Variants in FBN3 observed in about 807,000 individuals in gnomAD.
FBN3 encodes fibrillin 3.
FBN3 carries 234 observed loss-of-function variants against 330.1 expected under a neutral mutation model. The observed-to-expected ratio is 0.71, with a 90% CI of 0.64 to 0.79. The LOEUF (loss-of-function observed/expected upper bound fraction) is 0.79. Among genes scored for constraint, FBN3 ranks in the 30% least tolerant of loss-of-function variants. FBN3 has a pLI of 0.00. For missense variants in FBN3, 3,606 were observed against 3,886.9 expected, an observed-to-expected ratio of 0.93 and a Z score of 1.92; for synonymous variants, 1,458 against 1,517.3, an observed-to-expected ratio of 0.96 and a Z score of 0.91.
chr19:8,083,283 C>G lies in FBN3; in HGVS notation c.7177G>C (p.Gly2393Arg). The change falls in exon 57 of 64, where the codon GGG becomes CGG. Residue 2393 changes from glycine (G) to arginine (R), a missense_variant. Physicochemically the swap from Gly to Arg is moderately radical, Grantham distance 125. Coordinates refer to ENST00000600128, the MANE Select transcript of FBN3 (RefSeq NM_032447.5). Reference protein sequence around the residue: ...LGSFRCHCQAGYTPDATATTC... With the variant: ...LGSFRCHCQARYTPDATATTC... Reference sequence around the variant, plus strand: ...GTAGCAGTAGCATCCGGTGTGTACCCGGCCTGACAGTGGCAGCGGAAGGAG... The same window carrying G: ...GTAGCAGTAGCATCCGGTGTGTACCGGGCCTGACAGTGGCAGCGGAAGGAG... 6.2e-7 allele frequency: 1 copy of G among 1,614,128 alleles called. No individual in the cohort carries two copies. The highest frequency in any genetic ancestry group is 2.2e-5 in the East Asian group (1 of 44,884).
Position 8,129,445 on chromosome 19 carries a change from C to T in FBN3, c.2045-80G>A. On this transcript the variant is annotated intron_variant, in intron 16 of 63. Coordinates refer to ENST00000600128, the MANE Select transcript of FBN3 (RefSeq NM_032447.5). This position sits in a 1 kb window ranked among gnomAD's most constrained non-coding sequence, Gnocchi z 4.5. ...AGGAGGAGGGTGTGTCGCGGCGCAC[C>T]AGGGGTCTCTAGAAGTCAGATTCCC... 6.4e-7 allele frequency: 1 copy of T among 1,562,736 alleles called. No individual in the cohort carries two copies. The highest frequency in any genetic ancestry group is 8.7e-7 in the Non-Finnish European group (1 of 1,148,828).
intron 41 of FBN3, among the ~76,000 whole-genome samples, chr19:8,098,350 A>G (rs1172990635): frequency 2.0e-5 from 3 of 146,370 alleles, no homozygotes; most frequent in Admixed American, 1.4e-4. Context: ...CCTAAGTGTC[A>G]ATCAATGGGG....
At position 8,115,394 on chromosome 19, in the gene FBN3, G is replaced by A. The variant is rs1038456791; in HGVS notation, c.3838+121C>T. 23 of 1,282,114 alleles carry A rather than the reference G, an allele frequency of 1.8e-5. 1 individual carries two copies. Among genetic ancestry groups the A allele is most frequent in the South Asian group, 7.1e-5 (5 of 70,448 alleles). The allele number at this position is 1,282,114 out of a possible 1,614,324, so 79.4% of individuals were successfully genotyped here. On this transcript the variant is annotated intron_variant, in intron 30 of 63. Coordinates refer to ENST00000600128, the MANE Select transcript of FBN3 (RefSeq NM_032447.5). The stretch of plus-strand genomic sequence containing the variant: ...CTTGCTTTAACACAAGAAGCCATCC[G>A]TGGAAATCTATGAGAATGAATTCTG...
At chr19:8,110,591 T>C (rs2144819847) in intron 34 of FBN3, among the ~76,000 whole-genome samples, 1 of 152,280 alleles carries the variant, frequency 6.6e-6, no homozygotes, top group East Asian at 1.9e-4. Flanking sequence ...CACCTGCCCA[T>C]TTCTAAAACA....
Position 8,126,760 on chromosome 19 carries a change from T to C in FBN3, c.2369A>G (p.Lys790Arg). 6.3e-7 allele frequency: 1 copy of C among 1,593,758 alleles called. No individual in the cohort carries two copies. The highest frequency in any genetic ancestry group is 1.3e-5 in the African/African-American group (1 of 74,298). Residue 790 changes from lysine (K) to arginine (R), a missense_variant, in exon 19 of 64, where the codon AAA (lysine) becomes AGA (arginine). Physicochemically the swap from Lys to Arg is conservative, Grantham distance 26. Coordinates refer to ENST00000600128, the MANE Select transcript of FBN3 (RefSeq NM_032447.5). ...CRNLAGSYTC[K>R]CGPGSRLDPS... ...GTCCAGCCGGCTGCCAGGGCCACAT[T>C]TGCAGGTGTAGGAGCCGGCCAGGTT...
intron 1 of FBN3, among the ~76,000 whole-genome samples, chr19:8,148,313 G>A (rs1185812465): frequency 6.6e-6 from 1 of 152,150 alleles, no homozygotes; most frequent in African/African-American, 2.4e-5. Flanking sequence ...AGGGCTGGAT[G>A]CCTCCCTGGG....
Position 8,075,373 on chromosome 19 carries a change from C to A in FBN3, c.7492G>T (p.Ala2498Ser). ...ECSAQPGPCG[A>S]HGHCHNTPGS... ...GGGGTGTTGTGGCAGTGCCCGTGGG[C>A]ACCACATGGGCCAGGCTGGGCTGAG... The change falls in exon 60 of 64, where the codon GCC becomes TCC. Residue 2498 changes from alanine (A) to serine (S), a missense_variant. Ala to Ser is a moderately conservative substitution (Grantham distance 99). Coordinates refer to ENST00000600128, the MANE Select transcript of FBN3 (RefSeq NM_032447.5). 1 of 1,614,064 alleles carries A rather than the reference C, an allele frequency of 6.2e-7. No homozygotes were observed. Among genetic ancestry groups the A allele is most frequent in the Non-Finnish European group, 8.5e-7 (1 of 1,179,994 alleles).
chr19:8,126,530 C>A lies in FBN3; in HGVS notation c.2492G>T (p.Arg831Leu), dbSNP rs199802251. 6.2e-7 allele frequency: 1 copy of A among 1,613,006 alleles called. No individual in the cohort carries two copies. The highest frequency in any genetic ancestry group is 1.7e-5 in the Admixed American group (1 of 59,996). The change falls in exon 20 of 64, where the codon CGG (arginine) becomes CTG (leucine). Residue 831 changes from arginine to leucine, a missense_variant. Transcript: ENST00000600128. ...CCCGAGGGTGGCGCAGCACTCAGAC[C>A]GCAGGCTGGCTCCCTGAAGGTTCAC... is the stretch of plus-strand genomic sequence containing the variant. ...CEVNLQGASL[R>L]SECCATLGAA... is the part of the protein sequence containing the mutation.
rs549717775 is a variant in FBN3, at chr19:8,142,994, GGGT to G, written c.542-860_542-858del. Among the ~76,000 whole-genome samples the G allele has an allele frequency of 2.1e-3, 325 of 151,978 alleles. 1 individual carries two copies. The highest frequency in any genetic ancestry group is 7.4e-3 in the African/African-American group (305 of 41,430). On this transcript the variant is annotated intron_variant, in intron 6 of 63. Coordinates refer to ENST00000600128, the MANE Select transcript of FBN3 (RefSeq NM_032447.5). ...CCAGCCCCTCCAGCTTCTAGTCCCCGGGTCGTGCCCATCCTCACCTTCCTGGGC... is the reference window on the plus strand; with the variant it reads ...CCAGCCCCTCCAGCTTCTAGTCCCCGCGTGCCCATCCTCACCTTCCTGGGC...
Position 8,094,455 on chromosome 19 carries a change from G to T in FBN3, c.5896C>A (p.His1966Asn). 6.2e-7 allele frequency: 1 copy of T among 1,612,938 alleles called. No individual in the cohort carries two copies. The highest frequency in any genetic ancestry group is 8.5e-7 in the Non-Finnish European group (1 of 1,179,356). Residue 1966 changes from histidine to asparagine, a missense_variant, in exon 47 of 64, where the codon CAC becomes AAC. Transcript: ENST00000600128. ...GGGGCTGGACACTCACCAATGCAGT[G>T]GTCACTCTGCACCTGGAAGCCAGGG... is the stretch of plus-strand genomic sequence containing the variant. Reference protein sequence around the residue: ...CPPGFQVQSDHCIDIDECSEE... With the variant: ...CPPGFQVQSDNCIDIDECSEE...
At chr19:8,135,936 GCC>G in intron 13 of FBN3, 23 bp downstream of exon 13, 1 of 668,772 alleles carries the variant, frequency 1.5e-6, no homozygotes, top group Non-Finnish European at 2.4e-6. Context: ...GGAAGCCCCT[GCC>G]CACCCGCCCA....
In FBN3 at chr19:8,111,069, C is replaced by T. The variant is rs140448414; in HGVS notation, c.4199G>A (p.Arg1400Gln). Residue 1400 changes from arginine (R) to glutamine (Q), a missense_variant, in exon 33 of 64, where the codon CGG becomes CAG. Physicochemically the swap from Arg to Gln is conservative, Grantham distance 43. Coordinates refer to ENST00000600128, the MANE Select transcript of FBN3 (RefSeq NM_032447.5). ...GGGCCCAACCTTACCCTGGCAGGCC[C>T]GGTGGTCCTCGGTGGGGTCAAAGCC... ...EMGFDPTEDH[R>Q]ACQDVDECAQ... 1.7e-3 allele frequency: 2,760 copies of T among 1,612,962 alleles called. 6 individuals carry two copies. Among genetic ancestry groups the T allele is most frequent in the Middle Eastern group, 0.014 (85 of 6,060 alleles).
chr19:8,123,366 G>T, intron 24 of FBN3, 98 bp downstream of exon 24: 1 of 1,180,986 alleles, frequency 8.5e-7, no homozygotes, highest in East Asian at 2.7e-5. Context: ...AAAAAAAAAA[G>T]AAGAAGAAAA....
intron 37 of FBN3, 66 bp downstream of exon 37, chr19:8,108,104 G>T: frequency 1.4e-6 from 2 of 1,420,436 alleles, no homozygotes; most frequent in Non-Finnish European, 2.0e-6. Context: ...ACTTTGGTGA[G>T]GTGGGGATGA....
intron 48 of FBN3, among the ~76,000 whole-genome samples, chr19:8,090,488 T>TTG (rs1169968624): frequency 4.5e-5 from 2 of 44,572 alleles, no homozygotes; most frequent in East Asian, 3.3e-4. Context: ...GTGGTGGTGG[T>TTG]TTTTTTTTTT....
Position 8,115,505 on chromosome 19 carries a change from G to A in FBN3, c.3838+10C>T, listed in dbSNP as rs199958155. 205 of 1,613,024 alleles carry A rather than the reference G, an allele frequency of 1.3e-4. 1 individual carries two copies. The highest frequency in any genetic ancestry group is 3.8e-4 in the East Asian group (17 of 44,844). ...GTCCCCTCTGCCTGCACCGCTGACCGCCGGCTCACCAGAGCAGCCTGTGGC... is the reference window on the plus strand; with the variant it reads ...GTCCCCTCTGCCTGCACCGCTGACCACCGGCTCACCAGAGCAGCCTGTGGC... On this transcript the variant is annotated intron_variant, in intron 30 of 63. Coordinates refer to ENST00000600128, the MANE Select transcript of FBN3 (RefSeq NM_032447.5).
Position 8,072,043 on chromosome 19 carries a change from G to A in FBN3, c.8088+5C>T, listed in dbSNP as rs1427674907. 1 of 1,610,916 alleles carries A rather than the reference G, an allele frequency of 6.2e-7. No individual in the cohort carries two copies. Among genetic ancestry groups the A allele is most frequent in the Non-Finnish European group, 8.5e-7 (1 of 1,179,462 alleles). On this transcript the variant is annotated splice_donor_5th_base_variant and intron_variant, in intron 63 of 63. Transcript: ENST00000600128. ...CACCCCTGCCTAGTGCAGCACCCAT[G>A]TCACCTGGTGGTCCCTGTGGGCACT... is the stretch of plus-strand genomic sequence containing the variant.
chr19:8,141,861 G>A lies in FBN3; in HGVS notation c.740-19C>T. Reference sequence around the variant, plus strand: ...TCCACATCTGCAAGGACAAAGCCCGGCAGGGGAGTGAGAGGCCCATCGGAG... The same window carrying A: ...TCCACATCTGCAAGGACAAAGCCCGACAGGGGAGTGAGAGGCCCATCGGAG... On this transcript the variant is annotated intron_variant, in intron 7 of 63. Coordinates refer to ENST00000600128, the MANE Select transcript of FBN3 (RefSeq NM_032447.5). 6 of 1,613,564 alleles carry A rather than the reference G, an allele frequency of 3.7e-6. No homozygotes were observed. Among genetic ancestry groups the A allele is most frequent in the South Asian group, 1.1e-5 (1 of 91,052 alleles).
At chr19:8,136,993 C>CT in intron 10 of FBN3, among the ~76,000 whole-genome samples, 1 of 150,152 alleles carries the variant, frequency 6.7e-6, no homozygotes, top group Admixed American at 6.6e-5. Context: ...AACCTGGGGC[C>CT]TGGATCCCTC....
Sources: allele counts gnomAD v4.1 joint callset (sites outside exome capture counted in the v4.1 genomes callset), GRCh38; gene constraint gnomAD v4.1.1; non-coding constraint Gnocchi (gnomAD v3.1); transcripts MANE v1.5; gene names NCBI Gene and HGNC (gene_info 2026-07-23, HGNC 2026-07-21).